The following NME7 variants were observed in gnomAD, a reference collection of about 807,000 sequenced individuals.
The protein encoded by NME7 is nucleoside diphosphate kinase 7.
In NME7, 41 loss-of-function variants were observed where a neutral mutation model predicts 49.1. The observed-to-expected ratio is 0.83, with a 90% CI of 0.65 to 1.08. NME7 has a LOEUF of 1.08. NME7 is among the 50% of genes least tolerant of loss of function. The pLI is 0.00. For missense variants in NME7, 423 were observed against 463.4 expected (o/e 0.91, Z 0.80); for synonymous variants, 139 against 150.6 (o/e 0.92, Z 0.56).
intron 6 of NME7, among the ~76,000 whole-genome samples, chr1:169,288,081 C>A (rs1650348236): frequency 6.6e-6 from 1 of 152,020 alleles, no homozygotes. Context: ...CCTATAAAAC[C>A]CTCTGACTCA....
intron 1 of NME7, among the ~76,000 whole-genome samples, chr1:169,342,655 CAT>C (rs1200079744): frequency 1.1e-3 from 42 of 38,832 alleles, no homozygotes; most frequent in African/African-American, 1.5e-3. Context: ...TATACAAGTA[CAT>C]ATATATATAG....
At chr1:169,343,025 A>G (rs1054656793) in intron 1 of NME7, among the ~76,000 whole-genome samples, 1 of 143,374 alleles carries the variant, frequency 7.0e-6, no homozygotes, top group Non-Finnish European at 1.5e-5. Context: ...GCATATATAT[A>G]TATACATACC....
chr1:169,165,495 C>T (rs184779916), intron 11 of NME7, among the ~76,000 whole-genome samples: 85 of 152,230 alleles, frequency 5.6e-4, no homozygotes, highest in African/African-American at 2.0e-3. Context: ...TTCTAGTTTG[C>T]GTGTGACAGT....
chr1:169,356,396 T>C (rs771828541), intron 1 of NME7, among the ~76,000 whole-genome samples: 16 of 151,978 alleles, frequency 1.1e-4, no homozygotes, highest in Admixed American at 2.0e-4. Context: ...GACAAGGAAG[T>C]CCTCTCTGAT....
Position 169,367,696 on chromosome 1 carries a change from C to T in NME7, c.3+12G>A. 6.2e-7 allele frequency: 1 copy of T among 1,614,188 alleles called. No homozygotes were observed. The highest frequency in any genetic ancestry group is 1.3e-5 in the African/African-American group (1 of 75,042). On this transcript the variant is annotated intron_variant, in intron 1 of 11. Transcript: ENST00000367811. ...CCCCAGAGCCGTTCTTCTGGCATCC[C>T]CTGGCACTCACCATTGTCTCAGGAT...
chr1:169,163,193 T>A (rs1047993163), intron 11 of NME7, among the ~76,000 whole-genome samples: 4 of 151,876 alleles, frequency 2.6e-5, no homozygotes, highest in Non-Finnish European at 5.9e-5. Context: ...TGACATGAGA[T>A]GACAACTAAC....
chr1:169,325,763 A>G (rs1652038419), intron 1 of NME7, among the ~76,000 whole-genome samples: 1 of 152,200 alleles, frequency 6.6e-6, no homozygotes, highest in South Asian at 2.1e-4. Context: ...TCCATAAACT[A>G]TAACGTAGAT....
At chr1:169,192,917 T>C (rs1246229005) in intron 10 of NME7, among the ~76,000 whole-genome samples, 4 of 152,198 alleles carry the variant, frequency 2.6e-5, no homozygotes. Context: ...AGGAATTCTT[T>C]TGGAAAATAT....
At position 169,323,179 on chromosome 1, in the gene NME7, T is replaced by G; in HGVS notation, c.216A>C (p.Gln72His). ...GATCCCCATAGTCAATTAATACCAG[T>G]TGTCGAGAAAAGACATTCACTTTGT... Reference protein sequence around the residue: ...IGNKVNVFSRQLVLIDYGDQY... With the variant: ...IGNKVNVFSRHLVLIDYGDQY... Residue 72 changes from glutamine (Q) to histidine (H), a missense_variant, in exon 3 of 12, where the codon CAA becomes CAC. Coordinates refer to ENST00000367811, the MANE Select transcript of NME7 (RefSeq NM_013330.5). 6.2e-7 allele frequency: 1 copy of G among 1,609,328 alleles called. No individual in the cohort carries two copies. The highest frequency in any genetic ancestry group is 8.5e-7 in the Non-Finnish European group (1 of 1,177,900).
intron 1 of NME7, among the ~76,000 whole-genome samples, chr1:169,361,538 G>C (rs1405515088): frequency 1.3e-5 from 2 of 152,182 alleles, no homozygotes; most frequent in Non-Finnish European, 2.9e-5. Flanking sequence ...CCAGCAGTTT[G>C]GAAGGCCGAG....
At chr1:169,179,929 C>G (rs1158631280) in intron 10 of NME7, among the ~76,000 whole-genome samples, 1 of 150,732 alleles carries the variant, frequency 6.6e-6, no homozygotes, top group African/African-American at 2.4e-5. Context: ...CACATTTACC[C>G]ATGTAACATG....
chr1:169,319,966 A>G (rs1252232712), intron 3 of NME7, among the ~76,000 whole-genome samples: 1 of 152,206 alleles, frequency 6.6e-6, no homozygotes, highest in Non-Finnish European at 1.5e-5. Context: ...TTCTTACTAA[A>G]GATATAAGCT....
At chr1:169,290,350 A>G (rs539071473) in intron 6 of NME7, among the ~76,000 whole-genome samples, 6 of 152,290 alleles carry the variant, frequency 3.9e-5, no homozygotes, top group Admixed American at 3.9e-4. Flanking sequence ...GAGGCCTCAC[A>G]AGTAAAGGCA....
At position 169,132,928 on chromosome 1, in the gene NME7, A is replaced by AAGAC. The variant is rs1162472407; in HGVS notation, c.1099-115_1099-112dup. ...TCAGACACTGGCATACCCCTTCCCA[A>AAGAC]AGACACTAAAAGTTAATCAATCAAT... On this transcript the variant is annotated intron_variant, in intron 11 of 11. Transcript: ENST00000367811. 1.5e-5 allele frequency: 10 copies of AAGAC among 663,698 alleles called. No homozygotes were observed. The Admixed American group carries it at 2.7e-4, about 18-fold the overall frequency. 41.1% of individuals were successfully genotyped at this position (663,698 alleles called of 1,614,324 possible).
chr1:169,223,582 G>C lies in NME7; in HGVS notation c.990+7136C>G, dbSNP rs74125216. Among the ~76,000 whole-genome samples, 1,245 of 152,054 alleles carry C rather than the reference G, an allele frequency of 8.2e-3. 28 individuals are homozygous for C. Among genetic ancestry groups the C allele is most frequent in the African/African-American group, 0.029 (1,194 of 41,460 alleles). On this transcript the variant is annotated intron_variant, in intron 10 of 11. Transcript: ENST00000367811. ...TTCAAGCTGGCTTCTGTGTCCTATT[G>C]ATATGTCACCATTACTTTGGCATAA...
chr1:169,146,263 G>C (rs945027087), intron 11 of NME7, among the ~76,000 whole-genome samples: 3 of 152,172 alleles, frequency 2.0e-5, no homozygotes, highest in Non-Finnish European at 4.4e-5. Flanking sequence ...GTTTTTCAAA[G>C]AATAAGCCCT....
chr1:169,187,615 C>G (rs1408585705), intron 10 of NME7, among the ~76,000 whole-genome samples: 1 of 152,132 alleles, frequency 6.6e-6, no homozygotes, highest in Non-Finnish European at 1.5e-5. Context: ...AAATATTCCT[C>G]CATCCCTTTA....
intron 11 of NME7, among the ~76,000 whole-genome samples, 174 bp from the exon 12 acceptor site, chr1:169,132,991 C>T (rs1658286982): frequency 6.6e-6 from 1 of 152,084 alleles, no homozygotes; most frequent in African/African-American, 2.4e-5. Context: ...GTTTGAAGTT[C>T]CATTTAAAAA....
At chr1:169,362,095 T>C (rs923780175) in intron 1 of NME7, among the ~76,000 whole-genome samples, 1 of 150,654 alleles carries the variant, frequency 6.6e-6, no homozygotes, top group Non-Finnish European at 1.5e-5. Flanking sequence ...GTAATCCAAG[T>C]TACTCACAAG....
Sources: gnomAD v4.1 joint callset for allele counts (sites outside exome capture counted in the v4.1 genomes callset) on GRCh38, gnomAD v4.1.1 for gene constraint, MANE v1.5 for transcripts, NCBI Gene and HGNC (gene_info 2026-07-23, HGNC 2026-07-21) for gene names.